Variants in ERC1 observed in about 807,000 individuals in gnomAD.
ERC1 encodes ELKS/RAB6-interacting/CAST family member 1.
ERC1 carries 56 observed loss-of-function variants against 132.0 expected under a neutral mutation model. That is an observed-to-expected ratio of 0.42 (90% CI 0.34 to 0.53). The LOEUF is 0.53. ERC1 is among the 20% of genes least tolerant of loss of function. The pLI, the probability that ERC1 is intolerant of heterozygous loss-of-function variation, is 0.03. For synonymous variants in ERC1, 478 were observed against 476.1 expected (o/e 1.00, Z -0.05); for missense variants, 1,202 against 1,349.9 (o/e 0.89, Z 1.72).
intron 17 of ERC1, among the ~76,000 whole-genome samples, chr12:1,442,010 C>T (rs547558675): frequency 1.3e-5 from 2 of 152,304 alleles, no homozygotes; most frequent in African/African-American, 4.8e-5. Flanking sequence ...TCACTGCAGC[C>T]TCCGCTTCCC....
chr12:1,101,392 G>A (rs773768485), intron 3 of ERC1, among the ~76,000 whole-genome samples: 1 of 152,128 alleles, frequency 6.6e-6, no homozygotes, highest in Non-Finnish European at 1.5e-5. Context: ...GTGTTACGCC[G>A]ACATCACTGA....
intron 2 of ERC1, among the ~76,000 whole-genome samples, chr12:1,043,327 G>A (rs912117664): frequency 1.3e-5 from 2 of 152,208 alleles, no homozygotes; most frequent in African/African-American, 2.4e-5. Context: ...ACAGGCATGA[G>A]CCACTGCGCC....
chr12:1,402,380 G>C (rs994075859), intron 16 of ERC1, among the ~76,000 whole-genome samples: 2 of 151,872 alleles, frequency 1.3e-5, no homozygotes, highest in Admixed American at 6.6e-5. Flanking sequence ...AAATACAAAA[G>C]TTAGCTGGGC....
rs2094343245 is a variant in ERC1, at chr12:1,494,298, T to C, written c.*4068T>C. 1.7e-5 allele frequency: 4 copies of C among 231,946 alleles called. No homozygotes were observed. The highest frequency in any genetic ancestry group is 3.4e-5 in the Non-Finnish European group (4 of 117,276). The allele number at this position is 231,946 out of a possible 1,614,324, so 14.4% of individuals were successfully genotyped here. A position where few individuals can be genotyped will look rare whatever the true frequency, so the allele number is the denominator to read the frequency against. On this transcript the variant is annotated 3_prime_UTR_variant, in exon 19 of 19. Transcript: ENST00000360905. ...GCCGCCCGTCCATCACTGCCAGCCC[T>C]GGGCTGCTCAGGAGGGGACGTGAAC...
intron 18 of ERC1, among the ~76,000 whole-genome samples, chr12:1,483,219 G>T (rs1195712398): frequency 2.6e-5 from 4 of 152,144 alleles, no homozygotes; most frequent in Admixed American, 2.6e-4. Context: ...GATCACTTGA[G>T]TCTGGGAGGT....
chr12:1,169,230 A>T (rs1284810881), intron 8 of ERC1, among the ~76,000 whole-genome samples: 1 of 152,178 alleles, frequency 6.6e-6, no homozygotes, highest in African/African-American at 2.4e-5. Flanking sequence ...GTCTCTCCTG[A>T]TTGTTGAAGG....
intron 15 of ERC1, among the ~76,000 whole-genome samples, chr12:1,308,578 AAC>A (rs1179632314): frequency 2.6e-5 from 4 of 152,348 alleles, no homozygotes; most frequent in Non-Finnish European, 4.4e-5. Flanking sequence ...ATAAATACTT[AAC>A]AGTTCCTAAC....
intron 1 of ERC1, among the ~76,000 whole-genome samples, chr12:1,025,794 GTTT>G (rs1172351394): frequency 7.8e-6 from 1 of 127,604 alleles, no homozygotes; most frequent in Non-Finnish European, 1.6e-5. Context: ...AAAAAGGAAA[GTTT>G]TTTTTTTTTT....
intron 13 of ERC1, among the ~76,000 whole-genome samples, chr12:1,260,227 C>T (rs1215352010): frequency 6.6e-6 from 1 of 152,092 alleles, no homozygotes; most frequent in Non-Finnish European, 1.5e-5. Context: ...CATTTGTTTT[C>T]CCTTAGAGTT....
chr12:1,484,275 A>C (rs1565530839), intron 18 of ERC1, among the ~76,000 whole-genome samples: 1 of 151,222 alleles, frequency 6.6e-6, no homozygotes, highest in African/African-American at 2.4e-5. Context: ...ACTGCACTCC[A>C]GCCTGGTGAC....
intron 15 of ERC1, among the ~76,000 whole-genome samples, chr12:1,366,135 C>T (rs1255669658): frequency 6.6e-6 from 1 of 151,748 alleles, no homozygotes; most frequent in Non-Finnish European, 1.5e-5. Flanking sequence ...GGAGGTTGGT[C>T]GCAGAACAAT....
chr12:1,293,435 AG>A (rs1594813999), intron 15 of ERC1, among the ~76,000 whole-genome samples: 37 of 119,576 alleles, frequency 3.1e-4, no homozygotes, highest in Non-Finnish European at 3.7e-4. Context: ...CCTGGGCGAC[AG>A]AGCAAAACTC....
intron 15 of ERC1, among the ~76,000 whole-genome samples, chr12:1,364,427 G>C (rs1230094972): frequency 6.6e-6 from 1 of 152,110 alleles, no homozygotes; most frequent in Non-Finnish European, 1.5e-5. Context: ...TGCCTGCTGG[G>C]TTCTGGTTAA....
At chr12:1,111,110 A>C (rs1435013126) in intron 5 of ERC1, among the ~76,000 whole-genome samples, 1 of 152,130 alleles carries the variant, frequency 6.6e-6, no homozygotes, top group East Asian at 1.9e-4. Context: ...GGGAAGATCC[A>C]CTTGCTGTCA....
chr12:1,133,990 T>G (rs1030742525), intron 7 of ERC1, among the ~76,000 whole-genome samples: 1 of 152,250 alleles, frequency 6.6e-6, no homozygotes, highest in East Asian at 1.9e-4. Context: ...TTTGCTTGTC[T>G]GGTGAGTTTG....
At chr12:1,358,174 A>T (rs148329877) in intron 15 of ERC1, among the ~76,000 whole-genome samples, 1 of 149,300 alleles carries the variant, frequency 6.7e-6, no homozygotes, top group African/African-American at 2.5e-5. Context: ...GTGAAAAAAC[A>T]TTGCACCCCA....
intron 15 of ERC1, among the ~76,000 whole-genome samples, chr12:1,292,301 A>G (rs984111104): frequency 6.6e-6 from 1 of 152,230 alleles, no homozygotes; most frequent in Non-Finnish European, 1.5e-5. Context: ...GTTTAGAGCT[A>G]TTCAATAGGT....
rs78535890 is a variant in ERC1 at position 1,148,265 on chromosome 12, A to G, written c.1737+6478A>G. Among the ~76,000 whole-genome samples, 134 of 152,310 alleles carry G rather than the reference A, an allele frequency of 8.8e-4. No individual in the cohort carries two copies. The East Asian group carries it at 0.023, about 26-fold the overall frequency. Reference sequence around the variant, plus strand: ...GTAATTTATGAAGAAAAGAGGTTTAATTGACTCACATTTCCATATCTGAGT... The same window carrying G: ...GTAATTTATGAAGAAAAGAGGTTTAGTTGACTCACATTTCCATATCTGAGT... On this transcript the variant is annotated intron_variant, in intron 8 of 18. Coordinates refer to ENST00000360905, the MANE Select transcript of ERC1 (RefSeq NM_178040.4).
intron 18 of ERC1, among the ~76,000 whole-genome samples, chr12:1,447,213 A>G (rs543197870): frequency 5.9e-5 from 9 of 152,134 alleles, no homozygotes; most frequent in African/African-American, 2.2e-4. Context: ...TTGCAGAAAA[A>G]CGATGCTTCT....
Sources: gnomAD v4.1 joint callset for allele counts (sites outside exome capture counted in the v4.1 genomes callset) on GRCh38, gnomAD v4.1.1 for gene constraint, MANE v1.5 for transcripts, NCBI Gene and HGNC (gene_info 2026-07-23, HGNC 2026-07-21) for gene names.